The following COL4A6 variants were observed in gnomAD, a reference collection of about 807,000 sequenced individuals.
The protein encoded by COL4A6 is collagen type IV alpha 6 chain, also known as collagen alpha-6(IV) chain.
In COL4A6, 59 loss-of-function variants were observed where a neutral mutation model predicts 126.7. The ratio of observed to expected loss-of-function variants is 0.47; its 90% CI spans 0.38 to 0.58. COL4A6 has a LOEUF of 0.58. COL4A6 is among the 20% of genes least tolerant of loss of function. The probability of loss-of-function intolerance (pLI) is 0.00; values close to 1 mark genes in which losing one functional copy is unlikely to be tolerated. For synonymous variants in COL4A6, 547 were observed against 496.6 expected (o/e 1.10, Z -1.35); for missense variants, 1,285 against 1,337.3 (o/e 0.96, Z 0.61).
At chrX:108,194,764 T>C in intron 15 of COL4A6, 177 bp from the exon 16 acceptor site, 1 of 474,743 alleles carries the variant, frequency 2.1e-6, no homozygotes, top group South Asian at 3.7e-5. Flanking sequence ...CGGCAGTAGG[T>C]AGCCAATTTA....
At chrX:108,388,656 C>A (rs914905105) in intron 2 of COL4A6, among the ~76,000 whole-genome samples, 12 of 111,270 alleles carry the variant, frequency 1.1e-4, no homozygotes, top group African/African-American at 3.9e-4. Context: ...TTGATCTTTT[C>A]AAAAAACTGG....
At chrX:108,208,636 TAAC>T (rs2148216972) in intron 8 of COL4A6, among the ~76,000 whole-genome samples, 1 of 111,769 alleles carries the variant, frequency 8.9e-6, no homozygotes, top group South Asian at 3.8e-4. Context: ...TTGAATCAAA[TAAC>T]AACAATGTTA....
intron 2 of COL4A6, among the ~76,000 whole-genome samples, chrX:108,371,856 GA>G (rs34557947): frequency 0.31 from 15,554 of 50,491 alleles, 1,683 homozygotes; most frequent in East Asian, 0.53. Flanking sequence ...CAATATGAAG[GA>G]AAAAAAAAAA....
Position 108,266,075 on chromosome X carries a change from T to C in COL4A6, c.144+44673A>G, listed in dbSNP as rs192431822. On this transcript the variant is annotated intron_variant, in intron 3 of 44. Transcript: ENST00000334504. ...GCTGCATTTGATAACTGGGAGAGAC[T>C]TTGGTTTGATGAGGTGGTTTATTTT... 3.3e-3 allele frequency among the ~76,000 whole-genome samples: 365 copies of C among 111,652 alleles called. 2 individuals are homozygous for C. Among genetic ancestry groups the C allele is most frequent in the African/African-American group, 0.011 (344 of 30,776 alleles).
chrX:108,318,812 TAG>T (rs1873390789), intron 2 of COL4A6, among the ~76,000 whole-genome samples: 1 of 112,527 alleles, frequency 8.9e-6, no homozygotes, highest in South Asian at 3.7e-4. Flanking sequence ...AGGCAATTTA[TAG>T]AGTCATAATC....
At chrX:108,405,737 A>T (rs2041192891) in intron 2 of COL4A6, among the ~76,000 whole-genome samples, 2 of 111,046 alleles carry the variant, frequency 1.8e-5, no homozygotes, top group South Asian at 3.8e-4. Flanking sequence ...ACCAAGAACT[A>T]GTATTTCCAA....
intron 37 of COL4A6, among the ~76,000 whole-genome samples, chrX:108,166,126 G>A (rs1289698337): frequency 8.9e-6 from 1 of 112,295 alleles, no homozygotes; most frequent in African/African-American, 3.2e-5. Flanking sequence ...CCCCTTTTTG[G>A]CCAAAGAGAA....
chrX:108,411,256 T>C (rs770910414), intron 2 of COL4A6, among the ~76,000 whole-genome samples: 1 of 112,079 alleles, frequency 8.9e-6, no homozygotes, highest in Non-Finnish European at 1.9e-5. Flanking sequence ...ACTTGGCAAG[T>C]GGACAATACC....
At chrX:108,174,332 G>C in intron 31 of COL4A6, 108 bp downstream of exon 31, 1 of 797,620 alleles carries the variant, frequency 1.3e-6, no homozygotes, top group Non-Finnish European at 1.8e-6. Flanking sequence ...TGTCCTGGGA[G>C]AAGGGGCTGA....
At chrX:108,309,314 G>A (rs1392472034) in intron 3 of COL4A6, among the ~76,000 whole-genome samples, 2 of 110,784 alleles carry the variant, frequency 1.8e-5, no homozygotes, top group African/African-American at 6.6e-5. Flanking sequence ...AGATAAGCTG[G>A]TGACGTAAAT....
At chrX:108,341,047 C>G (rs1235046259) in intron 2 of COL4A6, among the ~76,000 whole-genome samples, 2 of 111,086 alleles carry the variant, frequency 1.8e-5, no homozygotes, top group African/African-American at 6.5e-5. Flanking sequence ...TGGGCAATAG[C>G]TGCTGTATCC....
intron 2 of COL4A6, among the ~76,000 whole-genome samples, chrX:108,317,064 G>A (rs1346989403): frequency 8.9e-6 from 1 of 112,436 alleles, no homozygotes; most frequent in African/African-American, 3.2e-5. Flanking sequence ...AAGCAGAAAG[G>A]CCACCTAGGA....
chrX:108,347,283 C>T (rs868715803), intron 2 of COL4A6, among the ~76,000 whole-genome samples: 56 of 112,155 alleles, frequency 5.0e-4, no homozygotes, highest in African/African-American at 1.7e-3. Context: ...AAAGAACACA[C>T]GCAGACATGA....
At chrX:108,276,288 T>G (rs1452335447) in intron 3 of COL4A6, among the ~76,000 whole-genome samples, 1 of 112,699 alleles carries the variant, frequency 8.9e-6, no homozygotes, top group Non-Finnish European at 1.9e-5. Context: ...CCAAGCTCTC[T>G]GGCAAGTTAA....
Position 108,437,972 on chromosome X carries a change from C to A in COL4A6, c.33G>T (p.Thr11=). The change falls in exon 2 of 45, where the codon ACG becomes ACT. Residue 11 remains threonine (T), a synonymous_variant. Coordinates refer to ENST00000334504, the MANE Select transcript of COL4A6 (RefSeq NM_033641.4). The part of the protein sequence containing the change: MHPGLWLLLV[T]LCLTEELAAA... ...CTGCCAGTTCCTCGGTCAGGCACAA[C>A]GTAACCAGGAGCAGCCACAACCTGA... The A allele has an allele frequency of 8.3e-7, 1 of 1,210,928 alleles. No individual in the cohort carries two copies. Among genetic ancestry groups the A allele is most frequent in the Non-Finnish European group, 1.1e-6 (1 of 895,204 alleles).
intron 3 of COL4A6, among the ~76,000 whole-genome samples, chrX:108,245,816 A>C (rs2036705136): frequency 1.8e-5 from 2 of 112,035 alleles, no homozygotes; most frequent in Non-Finnish European, 3.8e-5. Flanking sequence ...GATGCAACTC[A>C]AATGAATTCT....
chrX:108,416,696 C>T lies in COL4A6; in HGVS notation c.63+21246G>A, dbSNP rs770039237. 8.9e-5 allele frequency among the ~76,000 whole-genome samples: 10 copies of T among 112,009 alleles called. No homozygotes were observed. In the South Asian group the frequency reaches 1.5e-3, roughly 17 times the overall value. On this transcript the variant is annotated intron_variant, in intron 2 of 44. Coordinates refer to ENST00000334504, the MANE Select transcript of COL4A6 (RefSeq NM_033641.4). ...AACCACATACTAACCTGCTGCAAGACGTACCTGAAATTTATTGTATTCTTT... is the reference window on the plus strand; with the variant it reads ...AACCACATACTAACCTGCTGCAAGATGTACCTGAAATTTATTGTATTCTTT...
At chrX:108,170,443 C>A (rs186905404) in intron 35 of COL4A6, among the ~76,000 whole-genome samples, 166 bp downstream of exon 35, 5 of 112,443 alleles carry the variant, frequency 4.4e-5, no homozygotes, top group Non-Finnish European at 9.4e-5. Context: ...CACACTCATG[C>A]TTGCCTGCCT....
At chrX:108,166,776 C>T (rs1287725541) in intron 37 of COL4A6, among the ~76,000 whole-genome samples, 3 of 111,628 alleles carry the variant, frequency 2.7e-5, no homozygotes, top group African/African-American at 9.7e-5. Flanking sequence ...TTTGGTGAAC[C>T]TTTGAAATAT....
Sources: allele counts gnomAD v4.1 joint callset (sites outside exome capture counted in the v4.1 genomes callset), GRCh38; gene constraint gnomAD v4.1.1; transcripts MANE v1.5; gene names NCBI Gene and HGNC (gene_info 2026-07-23, HGNC 2026-07-21).